NRG3: variants seen among roughly 807,000 people sequenced by gnomAD.
The protein encoded by NRG3 is pro-neuregulin-3, membrane-bound isoform.
A neutral mutation model predicts 66.9 loss-of-function variants in NRG3; 31 were observed. That is an observed-to-expected ratio of 0.46 (90% confidence interval 0.35 to 0.63). NRG3 has a LOEUF of 0.63. NRG3 is among the 20% of genes least tolerant of loss of function. The probability of loss-of-function intolerance (pLI) is 0.00; values close to 1 mark genes in which losing one functional copy is unlikely to be tolerated. For missense variants in NRG3, 910 were observed against 878.9 expected (o/e 1.04, Z -0.45); for synonymous variants, 393 against 359.4 (o/e 1.09, Z -1.06).
chr10:82,546,426 G>A (rs1414328975), intron 2 of NRG3, among the ~76,000 whole-genome samples: 1 of 151,954 alleles, frequency 6.6e-6, no homozygotes, highest in Non-Finnish European at 1.5e-5. Context: ...AGCTGGCATC[G>A]TCATTAACAA....
At chr10:82,020,168 T>G (rs2061996146) in intron 1 of NRG3, among the ~76,000 whole-genome samples, 1 of 152,154 alleles carries the variant, frequency 6.6e-6, no homozygotes, top group South Asian at 2.1e-4. Flanking sequence ...TAGGAAAAAG[T>G]TATAAATTGT....
intron 1 of NRG3, among the ~76,000 whole-genome samples, chr10:82,338,576 C>T (rs529385766): frequency 6.6e-6 from 1 of 152,102 alleles, no homozygotes; most frequent in African/African-American, 2.4e-5. Flanking sequence ...ATTAGATGCT[C>T]CATGATAGAT....
chr10:81,972,907 AT>A (rs1420792282), intron 1 of NRG3, among the ~76,000 whole-genome samples: 2 of 152,216 alleles, frequency 1.3e-5, no homozygotes, highest in African/African-American at 4.8e-5. Context: ...ATTTAATTTA[AT>A]TTTAAAAAAC....
rs1249987083 is a variant in NRG3 at position 82,602,214 on chromosome 10, C to A, written c.954-136363C>A. 2.0e-5 allele frequency among the ~76,000 whole-genome samples: 3 copies of A among 151,876 alleles called. No individual in the cohort carries two copies. In the East Asian group the frequency reaches 5.8e-4, roughly 29 times the overall value. Reference sequence around the variant, plus strand: ...GACTATCCGTTTTTTGAAATTTTCCCATTAATATGTTTCTTCTCTGGCCTA... The same window carrying A: ...GACTATCCGTTTTTTGAAATTTTCCAATTAATATGTTTCTTCTCTGGCCTA... On this transcript the variant is annotated intron_variant, in intron 2 of 8. Transcript: ENST00000372141.
intron 2 of NRG3, among the ~76,000 whole-genome samples, chr10:82,560,140 A>G (rs779941243): frequency 2.6e-5 from 4 of 151,734 alleles, no homozygotes; most frequent in Admixed American, 1.3e-4. Context: ...GCTTTGAGGA[A>G]TAATTAAAAA....
At chr10:82,719,636 C>A (rs2057178231) in intron 2 of NRG3, among the ~76,000 whole-genome samples, 1 of 152,180 alleles carries the variant, frequency 6.6e-6, no homozygotes, top group Non-Finnish European at 1.5e-5. Flanking sequence ...AGGGTTTCAG[C>A]TCCTGTCTGA....
At chr10:82,226,698 T>A (rs2076180174) in intron 1 of NRG3, among the ~76,000 whole-genome samples, 1 of 152,190 alleles carries the variant, frequency 6.6e-6, no homozygotes, top group African/African-American at 2.4e-5. Flanking sequence ...CTAACCACTC[T>A]ATGAAATAGT....
At chr10:82,920,475 T>A (rs946303711) in intron 4 of NRG3, among the ~76,000 whole-genome samples, 1 of 152,154 alleles carries the variant, frequency 6.6e-6, no homozygotes, top group South Asian at 2.1e-4. Context: ...TTTATAGATA[T>A]GCATATATAC....
chr10:81,880,868 T>C (rs1216309468), intron 1 of NRG3, among the ~76,000 whole-genome samples: 1 of 152,224 alleles, frequency 6.6e-6, no homozygotes, highest in East Asian at 1.9e-4. Context: ...AGGACAGAGC[T>C]GGTACTGCGT....
At chr10:82,668,938 T>G (rs538037332) in intron 2 of NRG3, among the ~76,000 whole-genome samples, 1 of 152,258 alleles carries the variant, frequency 6.6e-6, no homozygotes, top group African/African-American at 2.4e-5. Flanking sequence ...GGCATGAATT[T>G]AAGGCTCAGC....
At chr10:82,084,545 A>G (rs1332472527) in intron 1 of NRG3, among the ~76,000 whole-genome samples, 1 of 149,776 alleles carries the variant, frequency 6.7e-6, no homozygotes, top group Non-Finnish European at 1.5e-5. Context: ...TACATGAATC[A>G]GGTTTCTGTC....
intron 3 of NRG3, among the ~76,000 whole-genome samples, chr10:82,773,368 G>T (rs1459850695): frequency 6.6e-6 from 1 of 152,166 alleles, no homozygotes; most frequent in South Asian, 2.1e-4. Flanking sequence ...GAAATGTTGG[G>T]CATTGTTATG....
At chr10:82,378,570 T>C (rs1371972310) in intron 2 of NRG3, among the ~76,000 whole-genome samples, 1 of 151,972 alleles carries the variant, frequency 6.6e-6, no homozygotes, top group African/African-American at 2.4e-5. Context: ...TTCTCTTTTT[T>C]CTTTTCTTTT....
chr10:82,873,491 A>G (rs1841527403), intron 4 of NRG3, among the ~76,000 whole-genome samples: 3 of 152,312 alleles, frequency 2.0e-5, no homozygotes, highest in African/African-American at 7.2e-5. Flanking sequence ...ACAACCAATC[A>G]TTTAGTTTAG....
chr10:81,952,206 C>T (rs1458943534), intron 1 of NRG3, among the ~76,000 whole-genome samples: 2 of 152,088 alleles, frequency 1.3e-5, no homozygotes, highest in African/African-American at 2.4e-5. Flanking sequence ...CTAACCTGCA[C>T]GTTGTGCACA....
chr10:82,138,269 GA>G (rs1481118175), intron 1 of NRG3, among the ~76,000 whole-genome samples: 3 of 152,140 alleles, frequency 2.0e-5, no homozygotes, highest in Admixed American at 1.3e-4. Flanking sequence ...TTTCCTGGGG[GA>G]AAAATATGTC....
At position 82,512,706 on chromosome 10, in the gene NRG3, C is replaced by T. The variant is rs147130921; in HGVS notation, c.953+153838C>T. Among the ~76,000 whole-genome samples, 1,311 of 152,218 alleles carry T rather than the reference C, an allele frequency of 8.6e-3. 14 individuals are homozygous for T. Among genetic ancestry groups the T allele is most frequent in the South Asian group, 0.041 (196 of 4,824 alleles). ...TCTGATCTCCGCCAGAGTGAATTTT[C>T]GGTAGATTTTTTTCCTTGCTTCTCT... On this transcript the variant is annotated intron_variant, in intron 2 of 8. Transcript: ENST00000372141.
At chr10:82,129,966 A>G (rs2068704129) in intron 1 of NRG3, among the ~76,000 whole-genome samples, 1 of 151,882 alleles carries the variant, frequency 6.6e-6, no homozygotes, top group Non-Finnish European at 1.5e-5. Flanking sequence ...TTTTGTAACC[A>G]TTAACCATCC....
chr10:82,359,669 T>G (rs190294979), intron 2 of NRG3, among the ~76,000 whole-genome samples: 15 of 152,326 alleles, frequency 9.8e-5, no homozygotes, highest in African/African-American at 3.1e-4. Context: ...GTAATTTGTT[T>G]TTCTTTGCAA....
Sources: gnomAD v4.1 joint callset for allele counts (sites outside exome capture counted in the v4.1 genomes callset) on GRCh38, gnomAD v4.1.1 for gene constraint, MANE v1.5 for transcripts, NCBI Gene and HGNC (gene_info 2026-07-23, HGNC 2026-07-21) for gene names.